The following L2HGDH variants were observed in gnomAD, a reference collection of about 807,000 sequenced individuals.
L2HGDH encodes the protein L-2-hydroxyglutarate dehydrogenase, mitochondrial.
A neutral mutation model predicts 51.5 loss-of-function variants in L2HGDH; 34 were observed. That is an observed-to-expected ratio of 0.66 (90% CI 0.50 to 0.88). The LOEUF (loss-of-function observed/expected upper bound fraction) is 0.88. Ranked by LOEUF, L2HGDH falls within the 40% of genes least tolerant of loss-of-function variation. The pLI is 0.00. For missense variants in L2HGDH, 558 were observed against 571.9 expected, an observed-to-expected ratio of 0.98 and a Z score of 0.25; for synonymous variants, 198 against 197.9, an observed-to-expected ratio of 1.00 and a Z score of -0.01.
chr14:50,262,003 T>G (rs1889052319), intron 9 of L2HGDH, among the ~76,000 whole-genome samples: 3 of 152,176 alleles, frequency 2.0e-5, no homozygotes, highest in Admixed American at 1.3e-4. Context: ...CCACTGAAAG[T>G]GTTGCTTCAA....
At chr14:50,253,405 T>C (rs926965631) in intron 9 of L2HGDH, among the ~76,000 whole-genome samples, 2 of 152,040 alleles carry the variant, frequency 1.3e-5, no homozygotes, top group Admixed American at 6.6e-5. Flanking sequence ...AAAGAAGACA[T>C]ACCAATGGCA....
At chr14:50,285,424 G>A (rs1351014944) in intron 4 of L2HGDH, among the ~76,000 whole-genome samples, 1 of 152,110 alleles carries the variant, frequency 6.6e-6, no homozygotes, top group Non-Finnish European at 1.5e-5. Context: ...AAGAGTATTT[G>A]CCAAGCATAG....
At chr14:50,264,537 G>T (rs948188135) in intron 9 of L2HGDH, among the ~76,000 whole-genome samples, 3 of 152,188 alleles carry the variant, frequency 2.0e-5, no homozygotes, top group Non-Finnish European at 4.4e-5. Context: ...AAGTAGAGAA[G>T]AAGCAAGGTG....
chr14:50,249,265 A>G (rs1888194738), intron 9 of L2HGDH, among the ~76,000 whole-genome samples: 1 of 152,218 alleles, frequency 6.6e-6, no homozygotes, highest in Non-Finnish European at 1.5e-5. Context: ...CTCAGCTACT[A>G]GCACTAGGCT....
At chr14:50,272,075 A>C (rs1889726860) in intron 6 of L2HGDH, among the ~76,000 whole-genome samples, 1 of 152,232 alleles carries the variant, frequency 6.6e-6, no homozygotes, top group Non-Finnish European at 1.5e-5. Flanking sequence ...TGGGAGGCAG[A>C]GGTTACAGTG....
At chr14:50,264,170 G>A (rs1248485618) in intron 9 of L2HGDH, among the ~76,000 whole-genome samples, 6 of 150,584 alleles carry the variant, frequency 4.0e-5, no homozygotes, top group Admixed American at 6.6e-5. Flanking sequence ...GCCTGAGGTC[G>A]GGAGTTTGAG....
intron 1 of L2HGDH, 70 bp downstream of exon 1, chr14:50,311,941 C>G (rs2031232024): frequency 6.5e-7 from 1 of 1,530,970 alleles, no homozygotes; most frequent in African/African-American, 1.4e-5. Flanking sequence ...AACAGGGGCA[C>G]AGGTCCACCA....
At chr14:50,301,926 G>GA in intron 3 of L2HGDH, 91 bp downstream of exon 3, 1 of 1,331,856 alleles carries the variant, frequency 7.5e-7, no homozygotes, top group Non-Finnish European at 1.1e-6. Flanking sequence ...TAGATACAAA[G>GA]AAAAAAATAC....
intron 1 of L2HGDH, among the ~76,000 whole-genome samples, chr14:50,306,812 A>G (rs1285949077): frequency 6.6e-6 from 1 of 151,616 alleles, no homozygotes; most frequent in Non-Finnish European, 1.5e-5. Flanking sequence ...TTATACTGAA[A>G]ATTTTTTTTT....
Position 50,300,979 on chromosome 14 carries a change from C to T in L2HGDH, c.408+1038G>A, listed in dbSNP as rs546877835. 5.3e-5 allele frequency among the ~76,000 whole-genome samples: 8 copies of T among 152,196 alleles called. No individual in the cohort carries two copies. In the East Asian group the frequency reaches 7.7e-4, roughly 15 times the overall value. On this transcript the variant is annotated intron_variant, in intron 3 of 9. Coordinates refer to ENST00000267436, the MANE Select transcript of L2HGDH (RefSeq NM_024884.3). Reference sequence around the variant, plus strand: ...AGCTGGGACTATAGTTGTGCACCACCGCACCCGGCTAACTTTTTAAATTTT... The same window carrying T: ...AGCTGGGACTATAGTTGTGCACCACTGCACCCGGCTAACTTTTTAAATTTT...
In L2HGDH at chr14:50,245,831, G is replaced by T; in HGVS notation, c.*1227C>A. 1 of 985,330 alleles carries T rather than the reference G, an allele frequency of 1.0e-6. No individual in the cohort carries two copies. Among genetic ancestry groups the T allele is most frequent in the Non-Finnish European group, 1.2e-6 (1 of 829,876 alleles). 61.0% of individuals were successfully genotyped at this position (985,330 alleles called of 1,614,324 possible). On this transcript the variant is annotated 3_prime_UTR_variant, in exon 10 of 10. Transcript: ENST00000267436. ...TAAGGACAGGTCATTAACAAAGTCA[G>T]GGATTCAGGGCTGAGCATGATGGCT...
chr14:50,309,703 AAG>A (rs1431549808), intron 1 of L2HGDH, among the ~76,000 whole-genome samples: 1 of 103,644 alleles, frequency 9.6e-6, no homozygotes, highest in Non-Finnish European at 2.1e-5. Context: ...TTTTTTTTTT[AAG>A]AGAGTCTTGC....
In L2HGDH at chr14:50,294,113, A is replaced by G; in HGVS notation, c.540+2T>C. ...AAAAACATCCCTTTGTTAATCACTT[A>G]CCCTACAATATGGCTCCTTCTTTTT... On this transcript the variant is annotated splice_donor_variant, in intron 4 of 9. Transcript: ENST00000267436. LOFTEE classifies it high-confidence loss of function. 6.2e-7 allele frequency: 1 copy of G among 1,613,784 alleles called. No individual in the cohort carries two copies. The highest frequency in any genetic ancestry group is 8.5e-7 in the Non-Finnish European group (1 of 1,179,792).
At position 50,245,139 on chromosome 14, in the gene L2HGDH, T is replaced by G; in HGVS notation, c.*1919A>C. On this transcript the variant is annotated 3_prime_UTR_variant, in exon 10 of 10. Coordinates refer to ENST00000267436, the MANE Select transcript of L2HGDH (RefSeq NM_024884.3). Reference sequence around the variant, plus strand: ...CAAAAGTGAATGCCTCAAAGTTAGATATTTATCAAAAATGGAAAAATATCC... The same window carrying G: ...CAAAAGTGAATGCCTCAAAGTTAGAGATTTATCAAAAATGGAAAAATATCC... 1 of 985,776 alleles carries G rather than the reference T, an allele frequency of 1.0e-6. No homozygotes were observed. The allele number at this position is 985,776 out of a possible 1,614,324, so 61.1% of individuals were successfully genotyped here.
Position 50,244,946 on chromosome 14 carries a change from T to A in L2HGDH, c.*2112A>T. ...AAATGTGGTTCAGTACTCAAAGTTCTGCAGTCAGGTCGCCACATTTTCATT... is the reference window on the plus strand; with the variant it reads ...AAATGTGGTTCAGTACTCAAAGTTCAGCAGTCAGGTCGCCACATTTTCATT... On this transcript the variant is annotated 3_prime_UTR_variant, in exon 10 of 10. Coordinates refer to ENST00000267436, the MANE Select transcript of L2HGDH (RefSeq NM_024884.3). The A allele has an allele frequency of 1.0e-6, 1 of 985,582 alleles. No individual in the cohort carries two copies. Among genetic ancestry groups the A allele is most frequent in the Non-Finnish European group, 1.2e-6 (1 of 829,936 alleles). 61.1% of individuals were successfully genotyped at this position (985,582 alleles called of 1,614,324 possible). A position where few individuals can be genotyped will look rare whatever the true frequency, so the allele number is the denominator to read the frequency against.
chr14:50,283,513 A>G (rs539772126), intron 5 of L2HGDH, among the ~76,000 whole-genome samples: 9 of 152,278 alleles, frequency 5.9e-5, no homozygotes, highest in Admixed American at 1.3e-4. Flanking sequence ...AAAAATCAAT[A>G]TAAGTACAGC....
intron 8 of L2HGDH, among the ~76,000 whole-genome samples, chr14:50,267,172 T>C (rs143061401): frequency 2.1e-5 from 3 of 142,558 alleles, no homozygotes; most frequent in African/African-American, 8.8e-5. Flanking sequence ...TTTATTTATT[T>C]ATTTATTTAT....
Position 50,242,491 on chromosome 14 carries a change from TAAC to T in L2HGDH, c.*4564_*4566del, listed in dbSNP as rs1887846872. 3 of 982,424 alleles carry T rather than the reference TAAC, an allele frequency of 3.1e-6. No homozygotes were observed. Among genetic ancestry groups the T allele is most frequent in the Admixed American group, 1.2e-4 (2 of 16,274 alleles). The allele number at this position is 982,424 out of a possible 1,614,324, so 60.9% of individuals were successfully genotyped here. A position where few individuals can be genotyped will look rare whatever the true frequency, so the allele number is the denominator to read the frequency against. On this transcript the variant is annotated 3_prime_UTR_variant, in exon 10 of 10. Coordinates refer to ENST00000267436, the MANE Select transcript of L2HGDH (RefSeq NM_024884.3). ...CCCATAAGCAGAAAATACAAGCAAT[TAAC>T]AACATCAACAACAACAACAAACCCA...
intron 6 of L2HGDH, among the ~76,000 whole-genome samples, chr14:50,272,684 A>G (rs1889766055): frequency 6.6e-6 from 1 of 152,176 alleles, no homozygotes; most frequent in Admixed American, 6.5e-5. Flanking sequence ...AAGCCACAAA[A>G]TTGGGTGTAT....
Sources: allele counts gnomAD v4.1 joint callset (sites outside exome capture counted in the v4.1 genomes callset), GRCh38; gene constraint gnomAD v4.1.1; transcripts MANE v1.5; gene names NCBI Gene and HGNC (gene_info 2026-07-23, HGNC 2026-07-21).